The following STOX1 variants were observed in gnomAD, a reference collection of about 807,000 sequenced individuals.
The protein encoded by STOX1 is storkhead-box protein 1.
Under a neutral mutation model 74.8 loss-of-function variants are expected in STOX1, and 57 were observed. That is an observed-to-expected ratio of 0.76 (90% confidence interval 0.62 to 0.95). STOX1 has a LOEUF of 0.95. Ranked by LOEUF, STOX1 falls within the 40% of genes least tolerant of loss-of-function variation. STOX1 has a pLI of 0.00. For missense variants in STOX1, 1,010 were observed against 1,117.0 expected, an observed-to-expected ratio of 0.90 and a Z score of 1.37; for synonymous variants, 375 against 401.3, an observed-to-expected ratio of 0.93 and a Z score of 0.78.
chr10:68,858,658 G>T (rs1179432868), intron 1 of STOX1, among the ~76,000 whole-genome samples: 3 of 152,094 alleles, frequency 2.0e-5, no homozygotes, highest in Non-Finnish European at 4.4e-5. Context: ...ATGCTTTCCA[G>T]ATTGGGACAC....
chr10:68,845,576 A>G (rs1839820960), intron 1 of STOX1, among the ~76,000 whole-genome samples: 1 of 150,372 alleles, frequency 6.7e-6, no homozygotes, highest in Admixed American at 6.7e-5. Context: ...GCCCGGCAAC[A>G]CCTGGCTAAT....
At chr10:68,845,741 A>G (rs1255695970) in intron 1 of STOX1, among the ~76,000 whole-genome samples, 1 of 151,682 alleles carries the variant, frequency 6.6e-6, no homozygotes, top group East Asian at 1.9e-4. Context: ...ATCTGGGATT[A>G]TAGGCGCATG....
chr10:68,884,135 A>G (rs1036632952), intron 2 of STOX1, 125 bp from the exon 3 acceptor site: 30 of 865,484 alleles, frequency 3.5e-5, no homozygotes, highest in Admixed American at 2.1e-4. Context: ...TTTTAATCAC[A>G]TGTATTATGT....
chr10:68,886,141 A>G lies in STOX1; in HGVS notation c.2345A>G (p.Tyr782Cys), dbSNP rs766280159. Residue 782 changes from tyrosine (Y) to cysteine (C), a missense_variant, in exon 3 of 4, where the codon TAC (tyrosine) becomes TGC (cysteine). By Grantham distance (194) the Tyr-to-Cys change is radical (BLOSUM62 -2). Coordinates refer to ENST00000298596, the MANE Select transcript of STOX1 (RefSeq NM_152709.5). The stretch of plus-strand genomic sequence containing the variant: ...GTGATTGAGAGATCTCTGACCGAGT[A>G]CAACAGCACAATGGAGAGGGTTGAG... ...QKVIERSLTE[Y>C]NSTMERVESQ... 1 of 1,614,222 alleles carries G rather than the reference A, an allele frequency of 6.2e-7. No homozygotes were observed.
chr10:68,868,439 C>T (rs749529607), intron 1 of STOX1, among the ~76,000 whole-genome samples: 8 of 152,236 alleles, frequency 5.3e-5, no homozygotes, highest in South Asian at 2.1e-4. Context: ...ACACCTTGAG[C>T]GGTTTTCCAC....
chr10:68,852,932 T>G (rs1423830880), intron 1 of STOX1, among the ~76,000 whole-genome samples: 1 of 151,972 alleles, frequency 6.6e-6, no homozygotes, highest in Non-Finnish European at 1.5e-5. Context: ...ACTTCTTTTT[T>G]TTTTTTGGAG....
In STOX1 at chr10:68,851,609, G is replaced by A. The variant is rs10998459; in HGVS notation, c.310+23676G>A. 7.5e-3 allele frequency among the ~76,000 whole-genome samples: 1,149 copies of A among 152,288 alleles called. 23 individuals carry two copies. The highest frequency in any genetic ancestry group is 0.026 in the African/African-American group (1,067 of 41,546). On this transcript the variant is annotated intron_variant, in intron 1 of 3. Transcript: ENST00000298596. ...TAATCCCAGCACTTTGGGAGGCTGA[G>A]GCAGGTGGATCATTTGAGGTCAGGA... is the stretch of plus-strand genomic sequence containing the variant.
At chr10:68,840,068 C>T (rs779024922) in intron 1 of STOX1, among the ~76,000 whole-genome samples, 15 of 152,046 alleles carry the variant, frequency 9.9e-5, no homozygotes, top group Admixed American at 5.9e-4. Context: ...TTGAGGGTGC[C>T]GAGAACACAC....
At chr10:68,875,832 G>T (rs777895648) in intron 1 of STOX1, among the ~76,000 whole-genome samples, 1 of 152,120 alleles carries the variant, frequency 6.6e-6, no homozygotes, top group Non-Finnish European at 1.5e-5. Context: ...GGGGTTGTAT[G>T]AATCCACGTC....
chr10:68,890,152 T>C (rs952250110), intron 3 of STOX1, among the ~76,000 whole-genome samples: 1 of 151,966 alleles, frequency 6.6e-6, no homozygotes. Context: ...ACTATATATA[T>C]ATGTAACTAT....
Position 68,885,545 on chromosome 10 carries a change from C to T in STOX1, c.1749C>T (p.Phe583=), listed in dbSNP as rs928019082. ...ATGATGACTTCAGAGGTCACCTCTT[C>T]AGTCACCCTCAACAGAGCATGTTGC... The part of the protein sequence containing the change: ...PINDDFRGHL[F]SHPQQSMLQN... Residue 583 remains phenylalanine, a synonymous_variant, in exon 3 of 4, where the codon TTC becomes TTT. Transcript: ENST00000298596. 6.2e-6 allele frequency: 10 copies of T among 1,614,180 alleles called. No individual in the cohort carries two copies. Among genetic ancestry groups the T allele is most frequent in the African/African-American group, 1.3e-5 (1 of 75,058 alleles).
Position 68,885,834 on chromosome 10 carries a change from C to T in STOX1, c.2038C>T (p.Pro680Ser), listed in dbSNP as rs1357754606. 18 of 1,613,972 alleles carry T rather than the reference C, an allele frequency of 1.1e-5. No homozygotes were observed. Among genetic ancestry groups the T allele is most frequent in the Non-Finnish European group, 1.4e-5 (17 of 1,180,018 alleles). Residue 680 changes from proline to serine, a missense_variant, in exon 3 of 4, where the codon CCT becomes TCT. Pro to Ser is a moderately conservative substitution (Grantham distance 74, BLOSUM62 -1). Transcript: ENST00000298596. ...TTTGGATTACCCAGTTGGCGTGAAC[C>T]CTTTAAGACAAGCTGCAAGACAAGA... ...GLLDYPVGVN[P>S]LRQAARQDKD...
At chr10:68,857,847 T>A (rs1840165574) in intron 1 of STOX1, among the ~76,000 whole-genome samples, 1 of 151,868 alleles carries the variant, frequency 6.6e-6, no homozygotes, top group Non-Finnish European at 1.5e-5. Context: ...GCATGAGGGT[T>A]GGTGAAGGGA....
chr10:68,866,997 G>C (rs926840175), intron 1 of STOX1, among the ~76,000 whole-genome samples: 9 of 144,368 alleles, frequency 6.2e-5, no homozygotes, highest in Non-Finnish European at 1.0e-4. Flanking sequence ...CCAGGCTGGA[G>C]TGCAGTGGCA....
rs190565388 is a variant in STOX1, at chr10:68,855,281, C to T, written c.311-26677C>T. On this transcript the variant is annotated intron_variant, in intron 1 of 3. Transcript: ENST00000298596. ...GACTACAGGCATGCACCACCACACC[C>T]AGCTAATTTTTGTATTTTTAGTACA... is the stretch of plus-strand genomic sequence containing the variant. Among the ~76,000 whole-genome samples the T allele has an allele frequency of 4.3e-4, 66 of 151,782 alleles. 1 individual carries two copies. Among genetic ancestry groups the T allele is most frequent in the African/African-American group, 1.5e-3 (62 of 41,330 alleles).
At chr10:68,839,656 A>G (rs2133502403) in intron 1 of STOX1, among the ~76,000 whole-genome samples, 1 of 152,316 alleles carries the variant, frequency 6.6e-6, no homozygotes, top group South Asian at 2.1e-4. Context: ...TTGGGAGGCC[A>G]AGGCAGGTGG....
chr10:68,830,595 A>C (rs902303492), intron 1 of STOX1, among the ~76,000 whole-genome samples: 3 of 152,116 alleles, frequency 2.0e-5, no homozygotes, highest in Non-Finnish European at 4.4e-5. Flanking sequence ...TGCCTGCCTC[A>C]GCCTCCCAAA....
At chr10:68,887,695 G>C (rs926498605) in intron 3 of STOX1, among the ~76,000 whole-genome samples, 117 of 150,342 alleles carry the variant, frequency 7.8e-4, no homozygotes, top group African/African-American at 2.7e-3. Context: ...CCGGGTTCAA[G>C]CAATTCTCCC....
chr10:68,847,376 C>T (rs1006813296), intron 1 of STOX1, among the ~76,000 whole-genome samples: 12 of 151,970 alleles, frequency 7.9e-5, no homozygotes, highest in East Asian at 1.9e-4. Context: ...TGTTGGGTCA[C>T]GGGTGGATTT....
Sources: gnomAD v4.1 joint callset for allele counts (sites outside exome capture counted in the v4.1 genomes callset) on GRCh38, gnomAD v4.1.1 for gene constraint, MANE v1.5 for transcripts, NCBI Gene and HGNC (gene_info 2026-07-23, HGNC 2026-07-21) for gene names.